The following IL1RAPL2 variants were observed in gnomAD, a reference collection of about 807,000 sequenced individuals.
The protein encoded by IL1RAPL2 is interleukin 1 receptor accessory protein like 2.
Under a neutral mutation model 44.1 loss-of-function variants are expected in IL1RAPL2, and 3 were observed. The observed-to-expected ratio is 0.07, with a 90% CI of 0.03 to 0.18. IL1RAPL2 has a LOEUF of 0.18. Among genes scored for constraint, IL1RAPL2 ranks in the 10% least tolerant of loss-of-function variants. The pLI is 1.00. For synonymous variants in IL1RAPL2, 181 were observed against 178.8 expected (o/e 1.01, Z -0.10); for missense variants, 391 against 496.4 (o/e 0.79, Z 2.02).
At chrX:105,029,113 T>C (rs906104398) in intron 2 of IL1RAPL2, among the ~76,000 whole-genome samples, 2 of 109,629 alleles carry the variant, frequency 1.8e-5, no homozygotes, top group Non-Finnish European at 3.8e-5. Flanking sequence ...GTTCAAGCCC[T>C]AGACACATTT....
At chrX:104,822,416 G>C (rs897786302) in intron 2 of IL1RAPL2, among the ~76,000 whole-genome samples, 7 of 111,767 alleles carry the variant, frequency 6.3e-5, no homozygotes, top group African/African-American at 2.3e-4. Context: ...ATCTTGAGTT[G>C]ATTTTTGTAT....
chrX:104,827,972 C>T (rs1245786135), intron 2 of IL1RAPL2, among the ~76,000 whole-genome samples: 2 of 111,635 alleles, frequency 1.8e-5, no homozygotes, highest in Non-Finnish European at 3.8e-5. Flanking sequence ...TTTTCAGCTC[C>T]ACTGGGTCAT....
chrX:105,321,322 A>G (rs1443253272), intron 5 of IL1RAPL2, among the ~76,000 whole-genome samples: 1 of 111,699 alleles, frequency 9.0e-6, no homozygotes, highest in African/African-American at 3.3e-5. Flanking sequence ...GGATCACACA[A>G]TCCTTTAGTG....
At chrX:104,961,481 T>A (rs1813987704) in intron 2 of IL1RAPL2, among the ~76,000 whole-genome samples, 1 of 111,587 alleles carries the variant, frequency 9.0e-6, no homozygotes, top group Middle Eastern at 4.6e-3. Context: ...GCTGGTACTG[T>A]TAGCATGACT....
chrX:105,245,483 TATCTGAACTGC>T (rs1202184313), intron 4 of IL1RAPL2, among the ~76,000 whole-genome samples: 3 of 112,176 alleles, frequency 2.7e-5, no homozygotes, highest in Non-Finnish European at 5.6e-5. Context: ...GTATATTCTC[TATCTGAACTGC>T]ATCAGTTATC....
At chrX:105,475,564 A>G (rs2036192325) in intron 5 of IL1RAPL2, among the ~76,000 whole-genome samples, 1 of 110,547 alleles carries the variant, frequency 9.0e-6, no homozygotes, top group Non-Finnish European at 1.9e-5. Flanking sequence ...GATAATAACT[A>G]TATGTGGAAT....
At chrX:104,786,073 T>C (rs1259796826) in intron 2 of IL1RAPL2, among the ~76,000 whole-genome samples, 1 of 112,603 alleles carries the variant, frequency 8.9e-6, no homozygotes, top group Non-Finnish European at 1.9e-5. Flanking sequence ...TTAGTTCTTT[T>C]ATCCACAATC....
At chrX:105,237,100 G>GT (rs1489734351) in intron 4 of IL1RAPL2, among the ~76,000 whole-genome samples, 1 of 111,252 alleles carries the variant, frequency 9.0e-6, no homozygotes, top group Non-Finnish European at 1.9e-5. Context: ...GCAGTGTTTG[G>GT]TTTTTTTGTC....
At chrX:104,569,717 T>G (rs766613262) in intron 1 of IL1RAPL2, among the ~76,000 whole-genome samples, 4 of 112,743 alleles carry the variant, frequency 3.5e-5, no homozygotes, top group African/African-American at 9.6e-5. Flanking sequence ...TATTGAAGTG[T>G]CTCAGTGCAA....
Position 105,091,575 on chromosome X carries a change from T to C in IL1RAPL2, c.83-103900T>C, listed in dbSNP as rs150474479. Among the ~76,000 whole-genome samples, 5 of 112,002 alleles carry C rather than the reference T, an allele frequency of 4.5e-5. No individual in the cohort carries two copies. In the East Asian group the frequency reaches 1.4e-3, roughly 32 times the overall value. On this transcript the variant is annotated intron_variant, in intron 2 of 10. Coordinates refer to ENST00000372582, the MANE Select transcript of IL1RAPL2 (RefSeq NM_017416.2). ...CACCCTACCAGATGTACATGTAGGC[T>C]ATATGGTGTATTAGAAAGAACACTG...
At chrX:105,625,747 A>C (rs142048604) in intron 6 of IL1RAPL2, among the ~76,000 whole-genome samples, 1,895 of 110,633 alleles carry the variant, frequency 0.017, 34 homozygotes, top group African/African-American at 0.059. Flanking sequence ...ACTACTATTT[A>C]CTACAGAGCT....
chrX:104,716,158 T>C (rs1160485753), intron 2 of IL1RAPL2, among the ~76,000 whole-genome samples: 2 of 110,843 alleles, frequency 1.8e-5, no homozygotes, highest in African/African-American at 6.5e-5. Context: ...TTCGACAAAC[T>C]TAACACAAAC....
intron 2 of IL1RAPL2, among the ~76,000 whole-genome samples, chrX:105,039,537 C>G (rs2031684815): frequency 8.9e-6 from 1 of 111,760 alleles, no homozygotes; most frequent in Non-Finnish European, 1.9e-5. Flanking sequence ...CTTTTAAAGA[C>G]AATGATTACC....
At chrX:104,708,191 C>G (rs1194059936) in intron 2 of IL1RAPL2, among the ~76,000 whole-genome samples, 1 of 111,942 alleles carries the variant, frequency 8.9e-6, no homozygotes, top group East Asian at 2.8e-4. Context: ...CCAATCTCAT[C>G]CAGTTTAACA....
At chrX:105,529,819 G>A (rs1379786949) in intron 6 of IL1RAPL2, among the ~76,000 whole-genome samples, 1 of 111,646 alleles carries the variant, frequency 9.0e-6, no homozygotes, top group Admixed American at 9.5e-5. Flanking sequence ...CATACAACAT[G>A]TCCTTTTGTG....
At chrX:105,630,691 G>A (rs2037485976) in intron 6 of IL1RAPL2, among the ~76,000 whole-genome samples, 1 of 110,478 alleles carries the variant, frequency 9.1e-6, no homozygotes, top group African/African-American at 3.3e-5. Context: ...GGTCTGAAAA[G>A]TAAGAATTAA....
At chrX:105,722,331 G>T (rs1381985596) in intron 7 of IL1RAPL2, among the ~76,000 whole-genome samples, 1 of 111,497 alleles carries the variant, frequency 9.0e-6, no homozygotes, top group Non-Finnish European at 1.9e-5. Context: ...CATATGTCTT[G>T]TGTGATCCAT....
At chrX:105,100,874 G>T (rs902446332) in intron 2 of IL1RAPL2, among the ~76,000 whole-genome samples, 4 of 112,355 alleles carry the variant, frequency 3.6e-5, no homozygotes, top group Non-Finnish European at 7.5e-5. Flanking sequence ...AAGATTCTGT[G>T]AAGTTTAACT....
intron 2 of IL1RAPL2, among the ~76,000 whole-genome samples, chrX:105,048,642 G>A (rs959158545): frequency 2.7e-5 from 3 of 110,919 alleles, no homozygotes; most frequent in Non-Finnish European, 1.9e-5. Context: ...ATAGTCACAC[G>A]TGGCCAGTAG....
Sources: gnomAD v4.1 joint callset for allele counts (sites outside exome capture counted in the v4.1 genomes callset) on GRCh38, gnomAD v4.1.1 for gene constraint, MANE v1.5 for transcripts, NCBI Gene and HGNC (gene_info 2026-07-23, HGNC 2026-07-21) for gene names.